The following TLN2 variants were observed in gnomAD, a reference collection of about 807,000 sequenced individuals.
TLN2 encodes the protein talin 2, also known as talin-2.
TLN2 carries 118 observed loss-of-function variants against 294.7 expected under a neutral mutation model. That is an observed-to-expected ratio of 0.40 (90% CI 0.34 to 0.47). The LOEUF (loss-of-function observed/expected upper bound fraction) is 0.47, where lower values mean the gene tolerates loss of function less well. TLN2 is among the 20% of genes least tolerant of loss of function. The pLI, the probability that TLN2 is intolerant of heterozygous loss-of-function variation, is 0.84. For missense variants in TLN2, 3,083 were observed against 3,282.2 expected (o/e 0.94, Z 1.48); for synonymous variants, 1,431 against 1,304.5 (o/e 1.10, Z -2.09).
intron 9 of TLN2, among the ~76,000 whole-genome samples, chr15:62,668,567 C>T (rs563409926): frequency 1.3e-5 from 2 of 152,222 alleles, no homozygotes; most frequent in East Asian, 1.9e-4. Context: ...ATACTGATCA[C>T]GTGGGATGTT....
At chr15:62,840,054 C>G (rs1380786294) in intron 58 of TLN2, among the ~76,000 whole-genome samples, 1 of 152,166 alleles carries the variant, frequency 6.6e-6, no homozygotes, top group Non-Finnish European at 1.5e-5. Context: ...TTAGCCTTGC[C>G]CATACCTGGA....
At chr15:62,796,760 T>G (rs1485767425) in intron 47 of TLN2, among the ~76,000 whole-genome samples, 1 of 152,206 alleles carries the variant, frequency 6.6e-6, no homozygotes, top group Non-Finnish European at 1.5e-5. Flanking sequence ...TCTTCCCCTC[T>G]GCAATCCAAG....
chr15:62,619,853 A>G (rs567502048), intron 3 of TLN2, among the ~76,000 whole-genome samples: 92 of 152,348 alleles, frequency 6.0e-4, no homozygotes, highest in Non-Finnish European at 1.1e-3. Context: ...GTTTTAGGAC[A>G]CCAAGTTTGT....
chr15:62,408,558 T>C (rs1345909864), intron 1 of TLN2, among the ~76,000 whole-genome samples: 1 of 152,224 alleles, frequency 6.6e-6, no homozygotes, highest in African/African-American at 2.4e-5. Flanking sequence ...CTTTGGCCAC[T>C]AGCCTGTAGA....
In TLN2 at chr15:62,666,055, C is replaced by T. The variant is rs146760400; in HGVS notation, c.789-7772C>T. ...TGTCTTCTGAGGTTGATGCCTGTCT[C>T]CCTAACTACTTTCAAACCAGGAACC... On this transcript the variant is annotated intron_variant, in intron 9 of 58. Transcript: ENST00000636159. Among the ~76,000 whole-genome samples, 928 of 152,244 alleles carry T rather than the reference C, an allele frequency of 6.1e-3. 15 individuals carry two copies. The highest frequency in any genetic ancestry group is 0.022 in the African/African-American group (897 of 41,518).
chr15:62,467,604 A>C (rs2037213086), intron 1 of TLN2, among the ~76,000 whole-genome samples: 1 of 152,200 alleles, frequency 6.6e-6, no homozygotes, highest in African/African-American at 2.4e-5. Flanking sequence ...AGGCAGGAGA[A>C]TCGCCAAGAG....
At chr15:62,642,614 C>G (rs901131138) in intron 3 of TLN2, among the ~76,000 whole-genome samples, 3 of 152,168 alleles carry the variant, frequency 2.0e-5, no homozygotes, top group Non-Finnish European at 4.4e-5. Context: ...AAAATACACA[C>G]TCATCTTTAG....
At chr15:62,675,960 T>G (rs2056136359) in intron 11 of TLN2, among the ~76,000 whole-genome samples, 2 of 152,218 alleles carry the variant, frequency 1.3e-5, no homozygotes, top group South Asian at 4.1e-4. Context: ...GTTGTTTAAC[T>G]ATTAGGTTTC....
At chr15:62,721,595 A>G (rs1285011785) in intron 25 of TLN2, among the ~76,000 whole-genome samples, 2 of 152,124 alleles carry the variant, frequency 1.3e-5, no homozygotes, top group Non-Finnish European at 2.9e-5. Flanking sequence ...GTAGTTTTAT[A>G]ACATATATAT....
intron 8 of TLN2, among the ~76,000 whole-genome samples, chr15:62,657,162 G>GGA (rs1555459308): frequency 6.8e-6 from 1 of 146,246 alleles, no homozygotes; most frequent in African/African-American, 2.5e-5. Context: ...GTGGGGGGGG[G>GGA]AAGCAACAGC....
chr15:62,668,905 A>C (rs1431683191), intron 9 of TLN2, among the ~76,000 whole-genome samples: 1 of 152,206 alleles, frequency 6.6e-6, no homozygotes, highest in Non-Finnish European at 1.5e-5. Context: ...AAGTCATTTA[A>C]AATGTAGAAT....
intron 48 of TLN2, among the ~76,000 whole-genome samples, chr15:62,799,603 G>A (rs962455567): frequency 4.6e-5 from 7 of 152,338 alleles, no homozygotes; most frequent in East Asian, 3.9e-4. Context: ...TGTTACAAGC[G>A]TGAAACAAAG....
At chr15:62,550,885 A>G (rs2042258712) in intron 1 of TLN2, among the ~76,000 whole-genome samples, 1 of 152,218 alleles carries the variant, frequency 6.6e-6, no homozygotes, top group Non-Finnish European at 1.5e-5. Flanking sequence ...AGGATGATTC[A>G]AGCACATTAT....
In TLN2 at chr15:62,757,108, A is replaced by G. The variant is rs148406786; in HGVS notation, c.4638+1415A>G. ...TTTAGGTATGTTACTCATTCACTCC[A>G]TACAACCACCCTGTGCTTATCCCCA... On this transcript the variant is annotated intron_variant, in intron 37 of 58. Transcript: ENST00000636159. Among the ~76,000 whole-genome samples the G allele has an allele frequency of 1.4e-4, 22 of 152,354 alleles. No homozygotes were observed. The East Asian group carries it at 4.2e-3, about 29-fold the overall frequency.
At chr15:62,781,863 A>G (rs1339047797) in intron 44 of TLN2, among the ~76,000 whole-genome samples, 1 of 152,202 alleles carries the variant, frequency 6.6e-6, no homozygotes. Context: ...ATGTAATGCA[A>G]CTAGAACTGT....
At chr15:62,609,240 T>C (rs890421247) in intron 2 of TLN2, among the ~76,000 whole-genome samples, 1 of 152,210 alleles carries the variant, frequency 6.6e-6, no homozygotes, top group Non-Finnish European at 1.5e-5. Context: ...CTGAACCATT[T>C]GATTGTAAGT....
intron 21 of TLN2, among the ~76,000 whole-genome samples, chr15:62,709,967 T>C (rs1229859692): frequency 6.6e-6 from 1 of 152,172 alleles, no homozygotes; most frequent in African/African-American, 2.4e-5. Flanking sequence ...ACTCCTGACC[T>C]CAGGTGATCT....
At chr15:62,550,853 C>T (rs2042257117) in intron 1 of TLN2, among the ~76,000 whole-genome samples, 1 of 152,114 alleles carries the variant, frequency 6.6e-6, no homozygotes. Context: ...TTTCCTGGAC[C>T]AGGGTCTGCA....
At chr15:62,784,148 T>G in intron 45 of TLN2, 1 of 522,768 alleles carries the variant, frequency 1.9e-6, no homozygotes, top group Non-Finnish European at 3.3e-6. Flanking sequence ...TATACAGTGT[T>G]CTATCAGGTC....
Sources: allele counts gnomAD v4.1 joint callset (sites outside exome capture counted in the v4.1 genomes callset), GRCh38; gene constraint gnomAD v4.1.1; transcripts MANE v1.5; gene names NCBI Gene and HGNC (gene_info 2026-07-23, HGNC 2026-07-21).